The following MMRN1 variants were observed in gnomAD, a reference collection of about 807,000 sequenced individuals.
MMRN1 encodes multimerin 1.
A neutral mutation model predicts 100.7 loss-of-function variants in MMRN1; 94 were observed. That is an observed-to-expected ratio of 0.93 (90% CI 0.79 to 1.11). The LOEUF (loss-of-function observed/expected upper bound fraction) is 1.11, where lower values mean the gene tolerates loss of function less well. MMRN1 is among the 50% of genes least tolerant of loss of function. MMRN1 has a pLI of 0.00. For synonymous variants in MMRN1, 575 were observed against 505.0 expected (o/e 1.14, Z -1.86); for missense variants, 1,606 against 1,439.1 (o/e 1.12, Z -1.88).
chr4:89,924,583 G>A (rs1215210214), intron 4 of MMRN1, among the ~76,000 whole-genome samples: 1 of 151,686 alleles, frequency 6.6e-6, no homozygotes, highest in Non-Finnish European at 1.5e-5. Flanking sequence ...AGTGGCTTAT[G>A]CCTATAATCC....
chr4:89,895,521 C>T lies in MMRN1; in HGVS notation c.550C>T (p.Leu184Phe). The T allele has an allele frequency of 6.2e-7, 1 of 1,613,770 alleles. No individual in the cohort carries two copies. Among genetic ancestry groups the T allele is most frequent in the South Asian group, 1.1e-5 (1 of 91,076 alleles). ...VGNRAPRETY[L>F]SRGDSSSSQR... ...AAATCGAGCCCCACGGGAAACATAC[C>T]TCAGCCGGGGTGACAGCAGTTCCAG... Residue 184 changes from leucine (L) to phenylalanine (F), a missense_variant, in exon 1 of 8, where the codon CTC becomes TTC. Transcript: ENST00000264790.
intron 1 of MMRN1, among the ~76,000 whole-genome samples, chr4:89,907,844 A>G (rs1403275044): frequency 1.6e-5 from 2 of 122,224 alleles, no homozygotes; most frequent in African/African-American, 3.3e-5. Flanking sequence ...TTTTTTTTCT[A>G]TTTACTGGAT....
chr4:89,916,761 TG>T (rs1721933821), intron 3 of MMRN1, among the ~76,000 whole-genome samples: 1 of 151,724 alleles, frequency 6.6e-6, no homozygotes, highest in Non-Finnish European at 1.5e-5. Flanking sequence ...CTTACGTTTT[TG>T]GTTACTATTT....
At chr4:89,911,887 C>A in intron 2 of MMRN1, 57 bp from the exon 3 acceptor site, 1 of 1,191,474 alleles carries the variant, frequency 8.4e-7, no homozygotes, top group African/African-American at 1.5e-5. Flanking sequence ...ATTATTCCGG[C>A]TGATAATTTA....
At position 89,923,225 on chromosome 4, in the gene MMRN1, G is replaced by T. The variant is rs139544662; in HGVS notation, c.908G>T (p.Gly303Val). ...TNQAESHTAVGRGVAEQQQQQ... is the reference protein window; with the variant it reads ...TNQAESHTAVVRGVAEQQQQQ... ...CAGGCTGAAAGTCATACAGCTGTTG[G>T]CAGAGGAGTAGCTGAGCAGCAGCAG... is the stretch of plus-strand genomic sequence containing the variant. The change falls in exon 4 of 8, where the codon GGC becomes GTC. Residue 303 changes from glycine to valine, a missense_variant. Coordinates refer to ENST00000264790, the MANE Select transcript of MMRN1 (RefSeq NM_007351.3). 4.6e-5 allele frequency: 75 copies of T among 1,613,878 alleles called. No individual in the cohort carries two copies. Among genetic ancestry groups the T allele is most frequent in the Non-Finnish European group, 6.1e-5 (72 of 1,179,876 alleles).
intron 7 of MMRN1, 40 bp downstream of exon 7, chr4:89,951,791 T>A: frequency 6.3e-7 from 1 of 1,590,534 alleles, no homozygotes; most frequent in Non-Finnish European, 8.6e-7. Flanking sequence ...TTGCTCATTG[T>A]CATAAATAGA....
chr4:89,892,676 T>C (rs1721081508), upstream of MMRN1, among the ~76,000 whole-genome samples: 1 of 151,932 alleles, frequency 6.6e-6, no homozygotes, highest in African/African-American at 2.4e-5. Context: ...CAGGGTCCCT[T>C]GTAAGCTAGG....
chr4:89,924,326 A>C (rs1327318643), intron 4 of MMRN1, among the ~76,000 whole-genome samples: 1 of 152,118 alleles, frequency 6.6e-6, no homozygotes, highest in African/African-American at 2.4e-5. Context: ...AAAACACTGA[A>C]AATTCTGGGA....
At position 89,907,756 on chromosome 4, in the gene MMRN1, G is replaced by T. The variant is rs555386186; in HGVS notation, c.624-1520G>T. Among the ~76,000 whole-genome samples the T allele has an allele frequency of 4.7e-5, 7 of 148,800 alleles. No individual in the cohort carries two copies. In the East Asian group the frequency reaches 1.2e-3, roughly 25 times the overall value. ...TTAATTCACATATTGTATACTTCTC[G>T]TTCTATTTAATGGTTAATTGTTTTA... is the stretch of plus-strand genomic sequence containing the variant. On this transcript the variant is annotated intron_variant, in intron 1 of 7. Transcript: ENST00000264790.
rs1721855970 is a variant in MMRN1 at position 89,914,601 on chromosome 4, G to C, written c.850+2551G>C. Among the ~76,000 whole-genome samples, 4 of 151,468 alleles carry C rather than the reference G, an allele frequency of 2.6e-5. No individual in the cohort carries two copies. In the South Asian group the frequency reaches 8.3e-4, roughly 31 times the overall value. On this transcript the variant is annotated intron_variant, in intron 3 of 7. Coordinates refer to ENST00000264790, the MANE Select transcript of MMRN1 (RefSeq NM_007351.3). ...TTCTGATATGTTTTACATTTGTTAT[G>C]TCATTTTCTCTTTTCAAACATATAT...
At chr4:89,931,820 G>A (rs1397437542) in intron 5 of MMRN1, among the ~76,000 whole-genome samples, 2 of 152,072 alleles carry the variant, frequency 1.3e-5, no homozygotes, top group Non-Finnish European at 2.9e-5. Context: ...CTCCCACAAT[G>A]CATGGGTATT....
At chr4:89,916,385 C>A (rs1334724876) in intron 3 of MMRN1, among the ~76,000 whole-genome samples, 1,937 of 143,612 alleles carry the variant, frequency 0.013, 66 homozygotes, top group African/African-American at 0.045. Flanking sequence ...AACAAACAAA[C>A]AAACAATAAA....
intron 4 of MMRN1, among the ~76,000 whole-genome samples, chr4:89,926,470 G>T (rs1722266240): frequency 6.6e-6 from 1 of 152,122 alleles, no homozygotes; most frequent in South Asian, 2.1e-4. Flanking sequence ...TGTTTTGATT[G>T]GATTATCGGG....
chr4:89,946,182 A>G (rs1318573904), intron 6 of MMRN1, among the ~76,000 whole-genome samples: 1 of 152,342 alleles, frequency 6.6e-6, no homozygotes, highest in South Asian at 2.1e-4. Context: ...AACATTTTAC[A>G]GAGCATTGGA....
chr4:89,882,822 C>T (rs1468990481), intron 1 of MMRN1, among the ~76,000 whole-genome samples: 2 of 151,870 alleles, frequency 1.3e-5, no homozygotes, highest in African/African-American at 4.8e-5. Context: ...TGAGTTTTGA[C>T]AATTGCATTC....
At chr4:89,888,603 A>T (rs534128840) in intron 1 of MMRN1, among the ~76,000 whole-genome samples, 3 of 152,124 alleles carry the variant, frequency 2.0e-5, no homozygotes, top group South Asian at 2.1e-4. Context: ...ATTGTTCCAC[A>T]GATCTCGACA....
At chr4:89,918,710 A>G (rs1186976710) in intron 3 of MMRN1, among the ~76,000 whole-genome samples, 2 of 151,970 alleles carry the variant, frequency 1.3e-5, no homozygotes, top group East Asian at 3.9e-4. Context: ...AAAATTTTTA[A>G]AAAGCAGAAG....
At chr4:89,909,523 C>T (rs565863700) in intron 2 of MMRN1, 128 bp downstream of exon 2, 6 of 1,189,480 alleles carry the variant, frequency 5.0e-6, no homozygotes, top group East Asian at 2.6e-5. Context: ...TCACATTATG[C>T]TTTAGTAAGT....
chr4:89,924,026 G>T (rs1722170128), intron 4 of MMRN1, among the ~76,000 whole-genome samples: 1 of 152,124 alleles, frequency 6.6e-6, no homozygotes, highest in African/African-American at 2.4e-5. Context: ...TTGAATTACT[G>T]CAATACATGT....
Sources: gnomAD v4.1 joint callset for allele counts (sites outside exome capture counted in the v4.1 genomes callset) on GRCh38, gnomAD v4.1.1 for gene constraint, MANE v1.5 for transcripts, NCBI Gene and HGNC (gene_info 2026-07-23, HGNC 2026-07-21) for gene names.